The following LAMB4 variants were observed in gnomAD, a reference collection of about 807,000 sequenced individuals.
LAMB4 encodes laminin subunit beta 4, also known as laminin subunit beta-4.
In LAMB4, 196 loss-of-function variants were observed where a neutral mutation model predicts 199.2. The observed-to-expected ratio is 0.98, with a 90% CI of 0.88 to 1.11. The LOEUF (loss-of-function observed/expected upper bound fraction) is 1.11. LAMB4 is among the 50% of genes least tolerant of loss of function. LAMB4 has a pLI of 0.00. For synonymous variants in LAMB4, 744 were observed against 770.6 expected, an observed-to-expected ratio of 0.97 and a Z score of 0.57; for missense variants, 2,080 against 2,171.2, an observed-to-expected ratio of 0.96 and a Z score of 0.83.
At chr7:108,020,332 A>C (rs1254745636), downstream of LAMB4, among the ~76,000 whole-genome samples, 3 of 151,990 alleles carry the variant, frequency 2.0e-5, no homozygotes, top group African/African-American at 7.2e-5. Context: ...TTAGACAGGC[A>C]TGGTGGCACA....
At chr7:108,086,303 C>A (rs1209203772) in intron 14 of LAMB4, among the ~76,000 whole-genome samples, 1 of 152,182 alleles carries the variant, frequency 6.6e-6, no homozygotes, top group South Asian at 2.1e-4. Flanking sequence ...CCCCCTTTCT[C>A]ATTTCCTAGC....
intron 18 of LAMB4, among the ~76,000 whole-genome samples, chr7:108,068,644 G>C (rs1221783503): frequency 1.3e-5 from 2 of 152,036 alleles, no homozygotes; most frequent in African/African-American, 4.8e-5. Flanking sequence ...AAGTAGCTAG[G>C]GCTACAGGTG....
the LAMB4 span, among the ~76,000 whole-genome samples, chr7:108,012,854 G>A: frequency 6.6e-6 from 1 of 152,070 alleles, no homozygotes; most frequent in East Asian, 1.9e-4. Flanking sequence ...GGCTCCTACA[G>A]CTCCTTCTAT....
At chr7:108,078,009 G>A (rs1034095741) in intron 16 of LAMB4, among the ~76,000 whole-genome samples, 192 bp downstream of exon 16, 32 of 152,176 alleles carry the variant, frequency 2.1e-4, no homozygotes, top group African/African-American at 4.3e-4. Context: ...AAAACCTGCC[G>A]TACTGAGTTG....
intron 2 of LAMB4, among the ~76,000 whole-genome samples, chr7:108,117,423 G>A (rs927695275): frequency 6.6e-6 from 1 of 152,136 alleles, no homozygotes; most frequent in Non-Finnish European, 1.5e-5. Context: ...ATTTATTAAT[G>A]GATTTGTTAA....
chr7:108,017,384 C>T, the LAMB4 span, among the ~76,000 whole-genome samples: 1 of 152,048 alleles, frequency 6.6e-6, no homozygotes, highest in Non-Finnish European at 1.5e-5. Context: ...TGCTTTTTTT[C>T]TGGCTCTCTT....
chr7:108,120,248 G>T (rs942753665), intron 2 of LAMB4, among the ~76,000 whole-genome samples: 3 of 151,584 alleles, frequency 2.0e-5, no homozygotes, highest in Non-Finnish European at 2.9e-5. Flanking sequence ...TCTTTCCTTC[G>T]ATTTGACCTC....
At position 108,106,028 on chromosome 7, in the gene LAMB4, A is replaced by G. The variant is rs775594025; in HGVS notation, c.659T>C (p.Leu220Pro). The change falls in exon 8 of 34, where the codon CTT (leucine) becomes CCT (proline). Residue 220 changes from leucine (L) to proline (P), a missense_variant. By Grantham distance (98) the Leu-to-Pro change is moderately conservative. Coordinates refer to ENST00000388781, the MANE Select transcript of LAMB4 (RefSeq NM_007356.3). Reference protein sequence around the residue: ...ENPYSPYIQDLVTLTNLRINF... With the variant: ...ENPYSPYIQDPVTLTNLRINF... ...TATCCTCAGGTTTGTCAATGTCACA[A>G]GGTCTAAAGAAAGGAAAATAATGAA... 18 of 1,612,574 alleles carry G rather than the reference A, an allele frequency of 1.1e-5. No individual in the cohort carries two copies. The South Asian group carries it at 1.8e-4, about 16-fold the overall frequency.
At chr7:108,052,400 T>G in intron 25 of LAMB4, 143 bp from the exon 26 acceptor site, 1 of 586,800 alleles carries the variant, frequency 1.7e-6, no homozygotes, top group South Asian at 2.7e-5. Context: ...CATTTGACGG[T>G]TTATAATTGT....
At chr7:108,119,441 C>CA (rs1447711258) in intron 2 of LAMB4, among the ~76,000 whole-genome samples, 1 of 151,354 alleles carries the variant, frequency 6.6e-6, no homozygotes, top group Admixed American at 6.6e-5. Flanking sequence ...TGGAACCTAG[C>CA]AAAAAAAAGT....
chr7:108,051,574 T>C (rs1271635301), intron 26 of LAMB4, among the ~76,000 whole-genome samples: 1 of 152,218 alleles, frequency 6.6e-6, no homozygotes, highest in African/African-American at 2.4e-5. Context: ...TATCTTGGCT[T>C]AGGCATAGCT....
In LAMB4 at chr7:108,029,158, T is replaced by C. The variant is rs1288839374; in HGVS notation, c.5031A>G (p.Gln1677=). The change falls in exon 33 of 34, where the codon CAA becomes CAG. Residue 1677 remains glutamine (Q), a synonymous_variant. Transcript: ENST00000388781. ...TTAGTCCTGTAGTGCTTGTCTTACG[T>C]TGGAGAATAGCATATTGTTTTTTCA... ...VELKKQYAIL[Q]RKTSTTGLTK... is the part of the protein sequence containing the mutation. 11 of 1,613,372 alleles carry C rather than the reference T, an allele frequency of 6.8e-6. No homozygotes were observed. The highest frequency in any genetic ancestry group is 8.5e-6 in the Non-Finnish European group (10 of 1,179,858).
intron 16 of LAMB4, 129 bp downstream of exon 16, chr7:108,078,072 A>G (rs2036772927): frequency 1.5e-6 from 1 of 648,808 alleles, no homozygotes; most frequent in Admixed American, 2.4e-5. Context: ...GCACCCAGTA[A>G]GTGCTTAATA....
chr7:108,044,975 G>A (rs6942642), intron 28 of LAMB4, among the ~76,000 whole-genome samples: 14,256 of 120,780 alleles, frequency 0.12, 1,531 homozygotes, highest in African/African-American at 0.29. Flanking sequence ...AAAAAAAAAA[G>A]AAAAGAAAAG....
chr7:108,048,444 G>C (rs1209352506), intron 27 of LAMB4, among the ~76,000 whole-genome samples: 1 of 152,086 alleles, frequency 6.6e-6, no homozygotes, highest in Non-Finnish European at 1.5e-5. Context: ...GAGATTACAG[G>C]CATGTGGCCT....
At chr7:108,012,772 A>G in the LAMB4 span, among the ~76,000 whole-genome samples, 1 of 152,114 alleles carries the variant, frequency 6.6e-6, no homozygotes, top group Non-Finnish European at 1.5e-5. Context: ...TTGTCTCCAC[A>G]TTCTCAGTTT....
intron 2 of LAMB4, among the ~76,000 whole-genome samples, chr7:108,120,736 T>C (rs2038569436): frequency 1.3e-5 from 2 of 152,248 alleles, no homozygotes; most frequent in Admixed American, 6.5e-5. Flanking sequence ...TTTCCGTTGA[T>C]GTTACATGTG....
chr7:108,064,729 C>T (rs552847796), intron 21 of LAMB4, among the ~76,000 whole-genome samples: 1 of 152,106 alleles, frequency 6.6e-6, no homozygotes, highest in South Asian at 2.1e-4. Flanking sequence ...TAACTGTTAA[C>T]CTTAGATGTA....
chr7:108,108,748 TA>T (rs1164130052), intron 5 of LAMB4, among the ~76,000 whole-genome samples: 2 of 152,088 alleles, frequency 1.3e-5, no homozygotes, highest in Non-Finnish European at 2.9e-5. Context: ...CCTGAATGAT[TA>T]AAGAAGCACT....
Sources: gnomAD v4.1 joint callset for allele counts (sites outside exome capture counted in the v4.1 genomes callset) on GRCh38, gnomAD v4.1.1 for gene constraint, MANE v1.5 for transcripts, NCBI Gene and HGNC (gene_info 2026-07-23, HGNC 2026-07-21) for gene names.